ZNF148: variants seen among roughly 807,000 people sequenced by gnomAD.
ZNF148 encodes Beta-Enolase Repressor Factor-1.
Under a neutral mutation model 67.7 loss-of-function variants are expected in ZNF148, and 7 were observed. The observed-to-expected ratio is 0.10, with a 90% CI of 0.06 to 0.19. The LOEUF (loss-of-function observed/expected upper bound fraction) is 0.19. Ranked by LOEUF, ZNF148 falls within the 10% of genes least tolerant of loss-of-function variation. The pLI, the probability that ZNF148 is intolerant of heterozygous loss-of-function variation, is 1.00. For missense variants in ZNF148, 583 were observed against 947.1 expected, an observed-to-expected ratio of 0.62 and a Z score of 5.05; for synonymous variants, 333 against 330.7, an observed-to-expected ratio of 1.01 and a Z score of -0.08.
chr3:125,236,611 G>T (rs919211622), intron 7 of ZNF148, among the ~76,000 whole-genome samples: 9 of 152,110 alleles, frequency 5.9e-5, no homozygotes, highest in African/African-American at 1.9e-4. Context: ...TCTAAGAAGA[G>T]AATTTAATTT....
intron 4 of ZNF148, among the ~76,000 whole-genome samples, chr3:125,306,129 T>C (rs907492565): frequency 6.6e-6 from 1 of 152,138 alleles, no homozygotes; most frequent in East Asian, 1.9e-4. Flanking sequence ...GTATCTTTAA[T>C]TGAATTAAAA....
chr3:125,317,658 T>TAGAGAGAGAGAGAGAGAG (rs796905351), intron 3 of ZNF148, among the ~76,000 whole-genome samples: 3,040 of 27,528 alleles, frequency 0.11, 60 homozygotes, highest in Middle Eastern at 0.19. Flanking sequence ...TATATATATA[T>TAGAGAGAGAGAGAGAGAG]ATATAGAGAG....
chr3:125,289,068 T>A (rs1381235592), intron 4 of ZNF148, among the ~76,000 whole-genome samples: 3 of 152,184 alleles, frequency 2.0e-5, no homozygotes, highest in Non-Finnish European at 4.4e-5. Context: ...CATCCCCTCC[T>A]CACTGCTACA....
chr3:125,257,598 C>T (rs983186544), intron 7 of ZNF148, among the ~76,000 whole-genome samples: 2 of 149,548 alleles, frequency 1.3e-5, no homozygotes, highest in African/African-American at 4.9e-5. Flanking sequence ...CCTTTCTTCT[C>T]CAGAGCACAT....
chr3:125,277,714 G>A lies in ZNF148; in HGVS notation c.667+12C>T. 6.3e-7 allele frequency: 1 copy of A among 1,599,248 alleles called. No individual in the cohort carries two copies. The highest frequency in any genetic ancestry group is 8.5e-7 in the Non-Finnish European group (1 of 1,171,354). On this transcript the variant is annotated intron_variant, in intron 7 of 8. Transcript: ENST00000360647. Reference sequence around the variant, plus strand: ...CATTTTAATGAACCTAGTAAGGGTGGTTAACACTCACCAGTATGAATCTTC... The same window carrying A: ...CATTTTAATGAACCTAGTAAGGGTGATTAACACTCACCAGTATGAATCTTC...
chr3:125,351,947 T>C (rs1942168168), intron 1 of ZNF148, among the ~76,000 whole-genome samples: 1 of 152,138 alleles, frequency 6.6e-6, no homozygotes, highest in Non-Finnish European at 1.5e-5. Flanking sequence ...GATAGAAATG[T>C]AAAATGGTAA....
intron 7 of ZNF148, among the ~76,000 whole-genome samples, chr3:125,236,375 T>C (rs949586154): frequency 6.6e-6 from 1 of 152,156 alleles, no homozygotes; most frequent in Admixed American, 6.5e-5. Context: ...CTTGTGATAA[T>C]TTTAAGTGCC....
At chr3:125,246,690 T>C (rs547591092) in intron 7 of ZNF148, among the ~76,000 whole-genome samples, 13 of 152,330 alleles carry the variant, frequency 8.5e-5, no homozygotes, top group African/African-American at 2.9e-4. Context: ...TATACGTACA[T>C]ACTGATTATA....
intron 7 of ZNF148, among the ~76,000 whole-genome samples, chr3:125,255,048 C>A (rs1026817329): frequency 6.6e-6 from 1 of 152,046 alleles, no homozygotes; most frequent in Admixed American, 6.5e-5. Context: ...ATTACTATTA[C>A]CACTTCCACG....
chr3:125,230,988 A>G lies in ZNF148; in HGVS notation c.*1353T>C, dbSNP rs1935833522. Reference sequence around the variant, plus strand: ...ACCATGCTGTATTATTTTAAGACAGAGTATTAAAAAAAAACATTCATGGTA... The same window carrying G: ...ACCATGCTGTATTATTTTAAGACAGGGTATTAAAAAAAAACATTCATGGTA... On this transcript the variant is annotated 3_prime_UTR_variant, in exon 9 of 9. Coordinates refer to ENST00000360647, the MANE Select transcript of ZNF148 (RefSeq NM_021964.3). The G allele has an allele frequency of 6.6e-6, 1 of 152,476 alleles. No individual in the cohort carries two copies. The highest frequency in any genetic ancestry group is 1.5e-5 in the Non-Finnish European group (1 of 67,932). The allele number at this position is 152,476 out of a possible 1,614,324, so 9.4% of individuals were successfully genotyped here.
chr3:125,348,092 C>CAA (rs113097406), intron 1 of ZNF148, among the ~76,000 whole-genome samples: 76 of 148,996 alleles, frequency 5.1e-4, no homozygotes, highest in African/African-American at 1.2e-3. Flanking sequence ...TCATTTCTAC[C>CAA]AAAAAAAAAA....
intron 7 of ZNF148, among the ~76,000 whole-genome samples, chr3:125,251,408 G>A (rs950623427): frequency 3.3e-5 from 5 of 152,120 alleles, no homozygotes; most frequent in African/African-American, 9.7e-5. Context: ...TATACAAACC[G>A]TCTAAGTGCC....
chr3:125,282,433 A>C (rs1938441069), intron 5 of ZNF148, among the ~76,000 whole-genome samples: 1 of 152,152 alleles, frequency 6.6e-6, no homozygotes, highest in South Asian at 2.1e-4. Context: ...TGCCTGCTAG[A>C]CATCTTCAGA....
intron 7 of ZNF148, among the ~76,000 whole-genome samples, chr3:125,267,330 TA>T (rs1346742876): frequency 2.0e-5 from 3 of 150,992 alleles, no homozygotes; most frequent in Non-Finnish European, 4.4e-5. Flanking sequence ...AACAAAATAC[TA>T]GCAAACTGAA....
intron 1 of ZNF148, among the ~76,000 whole-genome samples, chr3:125,355,336 G>T (rs1425165249): frequency 1.3e-5 from 2 of 152,286 alleles, no homozygotes; most frequent in East Asian, 3.9e-4. Flanking sequence ...ACATTTTGCA[G>T]TGGATAATTT....
chr3:125,370,658 T>G (rs1204269505), intron 1 of ZNF148, among the ~76,000 whole-genome samples: 1 of 152,244 alleles, frequency 6.6e-6, no homozygotes, highest in Non-Finnish European at 1.5e-5. Context: ...AGTAATTATC[T>G]TTCTAATCTC....
In ZNF148 at chr3:125,274,038, C is replaced by T. The variant is rs190403554; in HGVS notation, c.667+3688G>A. 1.0e-3 allele frequency among the ~76,000 whole-genome samples: 153 copies of T among 152,178 alleles called. 2 individuals carry two copies. Among genetic ancestry groups the T allele is most frequent in the Admixed American group, 7.1e-3 (109 of 15,286 alleles). On this transcript the variant is annotated intron_variant, in intron 7 of 8. Transcript: ENST00000360647. ...GCAGTTTCTTAGAGTAAAATGCTCA[C>T]GGGGTGAGAAGAAAATAACACAACT...
intron 7 of ZNF148, among the ~76,000 whole-genome samples, chr3:125,256,634 C>T (rs143228107): frequency 1.3e-5 from 2 of 152,160 alleles, no homozygotes; most frequent in Non-Finnish European, 2.9e-5. Context: ...CGAGATCGTG[C>T]CACTACACTC....
rs148124138 is a variant in ZNF148 at position 125,304,691 on chromosome 3, A to G, written c.333+8617T>C. ...ATAGATATGGAAATTATAGAAAGGA[A>G]TATGTGCACTATATGTAAATGTACA... On this transcript the variant is annotated intron_variant, in intron 4 of 8. Coordinates refer to ENST00000360647, the MANE Select transcript of ZNF148 (RefSeq NM_021964.3). Among the ~76,000 whole-genome samples the G allele has an allele frequency of 3.1e-4, 47 of 152,282 alleles. 1 individual carries two copies. The highest frequency in any genetic ancestry group is 1.0e-3 in the African/African-American group (43 of 41,558).
Sources: allele counts gnomAD v4.1 joint callset (sites outside exome capture counted in the v4.1 genomes callset), GRCh38; gene constraint gnomAD v4.1.1; transcripts MANE v1.5; gene names NCBI Gene and HGNC (gene_info 2026-07-23, HGNC 2026-07-21).